Variants in TAFA1 observed in about 807,000 individuals in gnomAD.
TAFA1 encodes TAFA chemokine like family member 1.
A neutral mutation model predicts 18.5 loss-of-function variants in TAFA1; 4 were observed. The ratio of observed to expected loss-of-function variants is 0.22; its 90% confidence interval spans 0.11 to 0.49. The LOEUF (loss-of-function observed/expected upper bound fraction) is 0.49. Among genes scored for constraint, TAFA1 ranks in the 20% least tolerant of loss-of-function variants. The probability of loss-of-function intolerance (pLI) is 0.98; values close to 1 mark genes in which losing one functional copy is unlikely to be tolerated. For missense variants in TAFA1, 147 were observed against 169.0 expected (o/e 0.87, Z 0.72); for synonymous variants, 56 against 55.2 (o/e 1.01, Z -0.06).
intron 2 of TAFA1, among the ~76,000 whole-genome samples, chr3:68,038,050 A>C (rs1279897343): frequency 1.3e-5 from 2 of 152,208 alleles, no homozygotes; most frequent in African/African-American, 4.8e-5. Context: ...TGCTGATTGT[A>C]CCATTAACAG....
chr3:68,408,703 C>T (rs1003453827), intron 2 of TAFA1, among the ~76,000 whole-genome samples: 2 of 151,972 alleles, frequency 1.3e-5, no homozygotes, highest in East Asian at 3.9e-4. Context: ...TTATTCCAGG[C>T]ACAAGAGATA....
chr3:68,528,770 T>C (rs2073144439), intron 3 of TAFA1, among the ~76,000 whole-genome samples: 1 of 152,194 alleles, frequency 6.6e-6, no homozygotes, highest in Non-Finnish European at 1.5e-5. Flanking sequence ...GCTCAAACTC[T>C]CATAAGTCAT....
At chr3:68,487,873 G>A (rs1458718499) in intron 3 of TAFA1, among the ~76,000 whole-genome samples, 1 of 150,252 alleles carries the variant, frequency 6.7e-6, no homozygotes, top group African/African-American at 2.4e-5. Flanking sequence ...TTAGAGTGTT[G>A]TAGATGTTTT....
intron 2 of TAFA1, among the ~76,000 whole-genome samples, chr3:68,031,384 A>G (rs576921479): frequency 6.6e-6 from 1 of 152,332 alleles, no homozygotes; most frequent in East Asian, 1.9e-4. Context: ...CAGCACTTAC[A>G]GGTGCCAAAG....
the TAFA1 span, among the ~76,000 whole-genome samples, chr3:67,992,235 A>G: frequency 6.6e-6 from 1 of 152,166 alleles, no homozygotes; most frequent in African/African-American, 2.4e-5. Context: ...ACTGACCCCC[A>G]CTGGATATGC....
chr3:68,173,903 TA>T (rs11373079), intron 2 of TAFA1, among the ~76,000 whole-genome samples: 38 of 151,930 alleles, frequency 2.5e-4, no homozygotes, highest in Non-Finnish European at 3.8e-4. Flanking sequence ...GATATTTAAT[TA>T]AAAAAATATA....
At chr3:68,290,732 T>A (rs1217681155) in intron 2 of TAFA1, among the ~76,000 whole-genome samples, 1 of 152,190 alleles carries the variant, frequency 6.6e-6, no homozygotes, top group African/African-American at 2.4e-5. Flanking sequence ...TTAATTGATA[T>A]CTGTATTGCT....
intron 2 of TAFA1, among the ~76,000 whole-genome samples, chr3:68,380,007 A>G (rs1257545079): frequency 6.6e-6 from 1 of 151,990 alleles, no homozygotes; most frequent in Non-Finnish European, 1.5e-5. Flanking sequence ...ATGAGTGAGA[A>G]CATGCGGTGT....
intron 2 of TAFA1, chr3:68,246,760 T>C (rs1575704143): frequency 6.6e-6 from 1 of 152,230 alleles, no homozygotes; most frequent in South Asian, 2.1e-4. Context: ...GTGAAGTAGT[T>C]CCACAGGTGT....
chr3:68,179,216 C>G (rs907655530), intron 2 of TAFA1, among the ~76,000 whole-genome samples: 24 of 152,100 alleles, frequency 1.6e-4, no homozygotes, highest in African/African-American at 5.3e-4. Flanking sequence ...GAACAGAAAC[C>G]CTACTTTTGG....
chr3:68,077,902 G>A (rs923706335), intron 2 of TAFA1, among the ~76,000 whole-genome samples: 5 of 151,152 alleles, frequency 3.3e-5, no homozygotes, highest in South Asian at 4.1e-4. Context: ...ACCTTGGGCA[G>A]TATGGACACT....
At chr3:68,268,594 A>AT in intron 2 of TAFA1, among the ~76,000 whole-genome samples, 1 of 152,168 alleles carries the variant, frequency 6.6e-6, no homozygotes, top group African/African-American at 2.4e-5. Context: ...CAAAGAAAAG[A>AT]ATGGATGAAT....
intron 2 of TAFA1, among the ~76,000 whole-genome samples, chr3:68,080,741 TA>T (rs914507773): frequency 7.2e-5 from 11 of 152,310 alleles, no homozygotes; most frequent in African/African-American, 2.6e-4. Flanking sequence ...TGGCTGCCCT[TA>T]ACATTTTTTC....
chr3:68,122,840 G>A (rs1017410005), intron 2 of TAFA1, among the ~76,000 whole-genome samples: 2 of 151,574 alleles, frequency 1.3e-5, no homozygotes, highest in Non-Finnish European at 2.9e-5. Context: ...GTGTATGTGT[G>A]TATTATACAC....
At chr3:68,345,566 A>G (rs556236653) in intron 2 of TAFA1, among the ~76,000 whole-genome samples, 1 of 152,310 alleles carries the variant, frequency 6.6e-6, no homozygotes, top group Admixed American at 6.5e-5. Flanking sequence ...GTTGATATGA[A>G]CAGTAGAGTG....
At chr3:68,273,801 T>C (rs1019021946) in intron 2 of TAFA1, among the ~76,000 whole-genome samples, 1 of 152,198 alleles carries the variant, frequency 6.6e-6, no homozygotes, top group Middle Eastern at 3.2e-3. Context: ...TATTCCAGTC[T>C]TATCCCTGGC....
intron 3 of TAFA1, among the ~76,000 whole-genome samples, chr3:68,460,917 G>T (rs2071764322): frequency 6.6e-6 from 1 of 152,080 alleles, no homozygotes; most frequent in Admixed American, 6.6e-5. Flanking sequence ...TCTTAAAATG[G>T]AATCTTCCTC....
intron 2 of TAFA1, among the ~76,000 whole-genome samples, chr3:68,400,220 T>C (rs2070461053): frequency 1.3e-5 from 2 of 152,282 alleles, no homozygotes; most frequent in South Asian, 4.1e-4. Context: ...CCAGGTGTGC[T>C]GTTACCAAAA....
intron 2 of TAFA1, among the ~76,000 whole-genome samples, chr3:68,301,764 G>A (rs1049060339): frequency 3.3e-5 from 5 of 152,326 alleles, no homozygotes; most frequent in Admixed American, 2.6e-4. Context: ...AAGTCGGTCA[G>A]ATGACTGACA....
Sources: allele counts gnomAD v4.1 joint callset (sites outside exome capture counted in the v4.1 genomes callset), GRCh38; gene constraint gnomAD v4.1.1; transcripts MANE v1.5; gene names NCBI Gene and HGNC (gene_info 2026-07-23, HGNC 2026-07-21).